The following SLC49A4 variants were observed in gnomAD, a reference collection of about 807,000 sequenced individuals.
SLC49A4 encodes solute carrier family 49 member 4, also known as disrupted in renal cancer protein 2.
In SLC49A4, 36 loss-of-function variants were observed where a neutral mutation model predicts 50.6. The ratio of observed to expected loss-of-function variants is 0.71; its 90% CI spans 0.55 to 0.94. The LOEUF is 0.94. Ranked by LOEUF, SLC49A4 falls within the 40% of genes least tolerant of loss-of-function variation. SLC49A4 has a pLI of 0.00. For missense variants in SLC49A4, 503 were observed against 605.7 expected, an observed-to-expected ratio of 0.83 and a Z score of 1.78; for synonymous variants, 248 against 241.2, an observed-to-expected ratio of 1.03 and a Z score of -0.26.
intron 5 of SLC49A4, among the ~76,000 whole-genome samples, chr3:122,854,895 T>C (rs1483981885): frequency 6.6e-6 from 1 of 152,046 alleles, no homozygotes; most frequent in Admixed American, 6.5e-5. Context: ...ATCAAGACCA[T>C]CCTGGCTAAC....
intron 2 of SLC49A4, among the ~76,000 whole-genome samples, chr3:122,816,681 T>G (rs1576294244): frequency 6.6e-6 from 1 of 152,358 alleles, no homozygotes; most frequent in South Asian, 2.1e-4. Context: ...GTAGCAGTTC[T>G]GATCTACGAG....
At chr3:122,869,179 T>C (rs1375292512) in intron 7 of SLC49A4, among the ~76,000 whole-genome samples, 3 of 152,076 alleles carry the variant, frequency 2.0e-5, no homozygotes, top group Non-Finnish European at 4.4e-5. Flanking sequence ...CAAATTCAAG[T>C]AGTAGAAAAA....
intron 5 of SLC49A4, among the ~76,000 whole-genome samples, chr3:122,849,777 G>A (rs1380346567): frequency 2.6e-5 from 4 of 151,970 alleles, no homozygotes; most frequent in Non-Finnish European, 4.4e-5. Context: ...CATTCTGTAA[G>A]TTGTCTCTTC....
chr3:122,842,362 T>C (rs1005822626), intron 4 of SLC49A4, among the ~76,000 whole-genome samples: 1 of 151,858 alleles, frequency 6.6e-6, no homozygotes. Flanking sequence ...AGCGGGTGCC[T>C]GTAGTCCCAG....
intron 1 of SLC49A4, among the ~76,000 whole-genome samples, chr3:122,798,646 T>TC (rs1936086529): frequency 7.7e-6 from 1 of 130,312 alleles, no homozygotes; most frequent in Admixed American, 7.8e-5. Flanking sequence ...TTTTTTTTTT[T>TC]TTTTTTTTTT....
At chr3:122,860,320 G>T in intron 7 of SLC49A4, 118 bp downstream of exon 7, 1 of 1,043,296 alleles carries the variant, frequency 9.6e-7, no homozygotes, top group Non-Finnish European at 1.3e-6. Flanking sequence ...ATACAAAAAA[G>T]TTTCTCTTGT....
chr3:122,815,104 T>C (rs912549393), intron 2 of SLC49A4, among the ~76,000 whole-genome samples: 7 of 152,004 alleles, frequency 4.6e-5, no homozygotes, highest in African/African-American at 1.7e-4. Flanking sequence ...TTCTTTTTTT[T>C]TTTTTGAGAT....
At position 122,881,050 on chromosome 3, in the gene SLC49A4, G is replaced by A. The variant is rs940946699; in HGVS notation, c.*1672G>A. On this transcript the variant is annotated 3_prime_UTR_variant, in exon 9 of 9. Coordinates refer to ENST00000261038, the MANE Select transcript of SLC49A4 (RefSeq NM_032839.3). ...TAGCAGAAGGACTGAAGGAACTAAG[G>A]AACTTGCTAAAGAGAAGAAGAAAAC... The A allele has an allele frequency of 1.3e-5, 2 of 152,076 alleles. No individual in the cohort carries two copies. Among genetic ancestry groups the A allele is most frequent in the African/African-American group, 2.4e-5 (1 of 41,404 alleles). The allele number at this position is 152,076 out of a possible 1,614,324, so 9.4% of individuals were successfully genotyped here.
intron 8 of SLC49A4, among the ~76,000 whole-genome samples, chr3:122,875,331 T>A (rs1306798134): frequency 6.6e-6 from 1 of 152,122 alleles, no homozygotes; most frequent in African/African-American, 2.4e-5. Flanking sequence ...CAACTATTAG[T>A]TATGTGATTA....
At chr3:122,800,029 G>C (rs373922048) in intron 1 of SLC49A4, among the ~76,000 whole-genome samples, 3 of 152,224 alleles carry the variant, frequency 2.0e-5, no homozygotes, top group African/African-American at 7.2e-5. Flanking sequence ...TACAAGTATG[G>C]AGTTAAGGGG....
At chr3:122,823,241 C>T (rs982458789) in intron 2 of SLC49A4, among the ~76,000 whole-genome samples, 8 of 152,194 alleles carry the variant, frequency 5.3e-5, no homozygotes, top group African/African-American at 1.9e-4. Context: ...TGTGTACTTC[C>T]TAGGCCTAAG....
At position 122,795,321 on chromosome 3, in the gene SLC49A4, T is replaced by G; in HGVS notation, c.129T>G (p.Gly43=). The part of the protein sequence containing the change: ...AAAALPAAVP[G]PGRVYGRRWL... The stretch of plus-strand genomic sequence containing the variant: ...CGGCGCTGCCCGCGGCGGTCCCGGG[T>G]CCCGGGCGGGTATACGGGCGCCGCT... The change falls in exon 1 of 9, where the codon GGT becomes GGG. Residue 43 remains glycine, a synonymous_variant. Coordinates refer to ENST00000261038, the MANE Select transcript of SLC49A4 (RefSeq NM_032839.3). 6.6e-7 allele frequency: 1 copy of G among 1,507,010 alleles called. No homozygotes were observed. The highest frequency in any genetic ancestry group is 8.8e-7 in the Non-Finnish European group (1 of 1,139,668). The allele number at this position is 1,507,010 out of a possible 1,614,324, so 93.4% of individuals were successfully genotyped here.
intron 1 of SLC49A4, among the ~76,000 whole-genome samples, chr3:122,801,372 C>T (rs1467708403): frequency 6.6e-6 from 1 of 152,130 alleles, no homozygotes; most frequent in East Asian, 1.9e-4. Context: ...GGGTGGATCA[C>T]CTGAGGTCAG....
Position 122,869,868 on chromosome 3 carries a change from C to T in SLC49A4, c.1139-2547C>T, listed in dbSNP as rs138863957. 6.5e-3 allele frequency among the ~76,000 whole-genome samples: 989 copies of T among 152,268 alleles called. 11 individuals carry two copies. Among genetic ancestry groups the T allele is most frequent in the South Asian group, 0.02 (98 of 4,830 alleles). ...GTTTTCAGACAGCCCGCTGCTTCCC[C>T]GTCAGATGTATCAGAAGAGACTGGA... On this transcript the variant is annotated intron_variant, in intron 7 of 8. Transcript: ENST00000261038.
intron 7 of SLC49A4, among the ~76,000 whole-genome samples, chr3:122,869,929 C>T (rs971463674): frequency 6.6e-6 from 1 of 152,166 alleles, no homozygotes; most frequent in Non-Finnish European, 1.5e-5. Context: ...TTCTTTGTAC[C>T]ATGCTTGATT....
chr3:122,862,125 G>A (rs1256050994), intron 7 of SLC49A4, among the ~76,000 whole-genome samples: 1 of 152,100 alleles, frequency 6.6e-6, no homozygotes, highest in Non-Finnish European at 1.5e-5. Context: ...ATAAGTAATT[G>A]TGGTTCTTTA....
At position 122,869,654 on chromosome 3, in the gene SLC49A4, G is replaced by T. The variant is rs1167249883; in HGVS notation, c.1139-2761G>T. On this transcript the variant is annotated intron_variant, in intron 7 of 8. Transcript: ENST00000261038. The stretch of plus-strand genomic sequence containing the variant: ...GACATTTCCAAATTACTCACCAGAA[G>T]ATGAGCTATTTACAGTTTCATCAGC... 5.3e-5 allele frequency among the ~76,000 whole-genome samples: 8 copies of T among 152,186 alleles called. No individual in the cohort carries two copies. In the South Asian group the frequency reaches 6.2e-4, roughly 12 times the overall value.
intron 4 of SLC49A4, among the ~76,000 whole-genome samples, chr3:122,837,758 A>G (rs1216979505): frequency 6.6e-6 from 1 of 151,388 alleles, no homozygotes; most frequent in East Asian, 1.9e-4. Flanking sequence ...AGAAACTACC[A>G]TCAGAGTGAA....
At chr3:122,828,564 G>A (rs57929082) in intron 3 of SLC49A4, among the ~76,000 whole-genome samples, 7,599 of 152,170 alleles carry the variant, frequency 0.05, 606 homozygotes, top group African/African-American at 0.17. Context: ...CAAGCCCCAC[G>A]CAAACCTTCT....
Sources: gnomAD v4.1 joint callset for allele counts (sites outside exome capture counted in the v4.1 genomes callset) on GRCh38, gnomAD v4.1.1 for gene constraint, MANE v1.5 for transcripts, NCBI Gene and HGNC (gene_info 2026-07-23, HGNC 2026-07-21) for gene names.